WDR25: variants seen among roughly 807,000 people sequenced by gnomAD.
WDR25 encodes WD repeat domain 25.
A neutral mutation model predicts 47.7 loss-of-function variants in WDR25; 35 were observed. The ratio of observed to expected loss-of-function variants is 0.73; its 90% CI spans 0.56 to 0.97. WDR25 has a LOEUF of 0.97. Among genes scored for constraint, WDR25 ranks in the 50% least tolerant of loss-of-function variants. The pLI is 0.00. For missense variants in WDR25, 634 were observed against 704.7 expected, an observed-to-expected ratio of 0.90 and a Z score of 1.14; for synonymous variants, 248 against 278.9, an observed-to-expected ratio of 0.89 and a Z score of 1.10.
chr14:100,430,151 GGTGTGT>G lies in WDR25; in HGVS notation c.823-37841_823-37836del, dbSNP rs59318813. 1.4e-5 allele frequency among the ~76,000 whole-genome samples: 2 copies of G among 146,882 alleles called. No individual in the cohort carries two copies. The highest frequency in any genetic ancestry group is 2.5e-5 in the African/African-American group (1 of 39,900). On this transcript the variant is annotated intron_variant, in intron 2 of 6. Coordinates refer to ENST00000402312, the MANE Select transcript of WDR25 (RefSeq NM_001161476.3). This position sits in a 1 kb window ranked among gnomAD's most constrained non-coding sequence, Gnocchi z 4.7. ...CAAATCTTGCAGACCAAGGGGGCCT[GGTGTGT>G]GTGTGTGTGTGTGTGTGTGTGTGTG...
At chr14:100,448,587 C>T (rs2140260006) in intron 2 of WDR25, among the ~76,000 whole-genome samples, 1 of 152,270 alleles carries the variant, frequency 6.6e-6, no homozygotes, top group Non-Finnish European at 1.5e-5. Context: ...TACACTATCT[C>T]AGAGGAGTGA....
intron 2 of WDR25, among the ~76,000 whole-genome samples, chr14:100,398,937 G>A (rs1642818146): frequency 6.6e-6 from 1 of 150,784 alleles, no homozygotes; most frequent in Non-Finnish European, 1.5e-5. Flanking sequence ...TGGTTTTCAA[G>A]ACTTGCTTCC....
intron 2 of WDR25, among the ~76,000 whole-genome samples, chr14:100,401,343 A>T (rs2140171683): frequency 6.6e-6 from 1 of 152,242 alleles, no homozygotes; most frequent in South Asian, 2.1e-4. Flanking sequence ...TTCCTTGCTT[A>T]TCACCTTCTC....
At position 100,392,608 on chromosome 14, in the gene WDR25, G is replaced by A. The variant is rs189822824; in HGVS notation, c.822+10862G>A. ...ACGGGCTGTGTTTGTCAGAGTGTGC[G>A]TGCAGCTCTGCAGCCTGTCTTTCCA... On this transcript the variant is annotated intron_variant, in intron 2 of 6. Transcript: ENST00000402312. This position sits in a 1 kb window ranked among gnomAD's most constrained non-coding sequence, Gnocchi z 4.2. Among the ~76,000 whole-genome samples, 3 of 152,012 alleles carry A rather than the reference G, an allele frequency of 2.0e-5. No homozygotes were observed. Among genetic ancestry groups the A allele is most frequent in the Non-Finnish European group, 4.4e-5 (3 of 67,982 alleles).
intron 4 of WDR25, among the ~76,000 whole-genome samples, chr14:100,494,884 G>A (rs1219835447): frequency 6.6e-6 from 1 of 152,120 alleles, no homozygotes; most frequent in Non-Finnish European, 1.5e-5. Flanking sequence ...CTCATTAAGA[G>A]CAGAATGCAC....
intron 4 of WDR25, among the ~76,000 whole-genome samples, chr14:100,486,695 C>T (rs919886211): frequency 3.3e-5 from 5 of 152,210 alleles, no homozygotes; most frequent in Non-Finnish European, 7.3e-5. Flanking sequence ...GGTGCTGAAC[C>T]TTCTGGCTCA....
chr14:100,434,752 C>T (rs1485327263), intron 2 of WDR25, among the ~76,000 whole-genome samples: 1 of 152,224 alleles, frequency 6.6e-6, no homozygotes, highest in Non-Finnish European at 1.5e-5. Flanking sequence ...TTCCTCTCTA[C>T]CCAGCTCCCA....
intron 3 of WDR25, among the ~76,000 whole-genome samples, chr14:100,479,760 A>T (rs1900137748): frequency 6.6e-6 from 1 of 152,074 alleles, no homozygotes; most frequent in Admixed American, 6.5e-5. Flanking sequence ...GCCTGTTAGG[A>T]ACCAGACCAC....
rs150351734 is a variant in WDR25 at position 100,379,570 on chromosome 14, T to C, written c.-15-1340T>C. 3.2e-4 allele frequency among the ~76,000 whole-genome samples: 49 copies of C among 151,950 alleles called. 1 individual carries two copies. In the East Asian group the frequency reaches 7.7e-3, roughly 24 times the overall value. On this transcript the variant is annotated intron_variant, in intron 1 of 6. Transcript: ENST00000402312. ...GTCCGGCTAATTTTTGTATTTTTAGTAGAGACGGGGCTTTGCCATATTGGT... is the reference window on the plus strand; with the variant it reads ...GTCCGGCTAATTTTTGTATTTTTAGCAGAGACGGGGCTTTGCCATATTGGT...
intron 2 of WDR25, among the ~76,000 whole-genome samples, chr14:100,410,781 A>AT (rs560217272): frequency 0.014 from 1,973 of 139,164 alleles, 19 homozygotes; most frequent in African/African-American, 0.021. Flanking sequence ...GTTTAAGCAG[A>AT]TTTTTTTTTT....
chr14:100,387,881 A>G (rs1198629036), intron 2 of WDR25, among the ~76,000 whole-genome samples: 1 of 152,214 alleles, frequency 6.6e-6, no homozygotes, highest in East Asian at 1.9e-4. Context: ...CAGAGAAGAG[A>G]TGATTTCTGG....
At position 100,430,309 on chromosome 14, in the gene WDR25, TCTC is replaced by T. The variant is rs1297964074; in HGVS notation, c.823-37708_823-37706del. ...CACCTCCGGACCTCCTGCTTCCTGA[TCTC>T]CTCAGCCCTTTGGGGAAATGGAGGA... On this transcript the variant is annotated intron_variant, in intron 2 of 6. Transcript: ENST00000402312. This position sits in a 1 kb window ranked among gnomAD's most constrained non-coding sequence, Gnocchi z 4.7. Among the ~76,000 whole-genome samples the T allele has an allele frequency of 3.9e-5, 6 of 152,058 alleles. No homozygotes were observed. The highest frequency in any genetic ancestry group is 1.4e-4 in the African/African-American group (6 of 41,398).
Position 100,529,643 on chromosome 14 carries a change from G to T in WDR25, c.1414-177G>T. ...TGAACTGGCCTTGGGATGTGGGCCC[G>T]CATCAGGGCTCTACAGCCTCATGGG... On this transcript the variant is annotated intron_variant, in intron 6 of 6. Coordinates refer to ENST00000402312, the MANE Select transcript of WDR25 (RefSeq NM_001161476.3). This position sits in a 1 kb window ranked among gnomAD's most constrained non-coding sequence, Gnocchi z 5.1. 1 of 694,038 alleles carries T rather than the reference G, an allele frequency of 1.4e-6. No homozygotes were observed. The highest frequency in any genetic ancestry group is 1.9e-5 in the South Asian group (1 of 52,300). The allele number at this position is 694,038 out of a possible 1,614,324, so 43.0% of individuals were successfully genotyped here.
chr14:100,497,749 A>C (rs1322151748), intron 4 of WDR25, among the ~76,000 whole-genome samples: 1 of 151,986 alleles, frequency 6.6e-6, no homozygotes, highest in Non-Finnish European at 1.5e-5. Flanking sequence ...GCTAAATGTC[A>C]CCTGTCCTCC....
At chr14:100,487,680 G>C in intron 4 of WDR25, 1 of 152,208 alleles carries the variant, frequency 6.6e-6, no homozygotes, top group South Asian at 2.1e-4. Context: ...TTCCAAGTGG[G>C]AACTGTTCCT....
intron 4 of WDR25, among the ~76,000 whole-genome samples, chr14:100,517,319 C>T (rs372019179): frequency 6.6e-6 from 1 of 151,758 alleles, no homozygotes; most frequent in Non-Finnish European, 1.5e-5. Context: ...CCTCATGATC[C>T]ACCCGCCTCG....
intron 4 of WDR25, chr14:100,503,844 C>T (rs1227192935): frequency 6.6e-6 from 1 of 152,186 alleles, no homozygotes; most frequent in African/African-American, 2.4e-5. Flanking sequence ...TCAGTTGGTC[C>T]CACCTCTGCT....
rs564445006 is a variant in WDR25, at chr14:100,397,961, C to T, written c.822+16215C>T. ...TCAAGCAATTCTCCTGCCTCAGCCT[C>T]CTGAGTAGCTGGGATTACAGGTGTG... On this transcript the variant is annotated intron_variant, in intron 2 of 6. Coordinates refer to ENST00000402312, the MANE Select transcript of WDR25 (RefSeq NM_001161476.3). Among the ~76,000 whole-genome samples the T allele has an allele frequency of 5.1e-4, 78 of 152,322 alleles. 1 individual carries two copies. The highest frequency in any genetic ancestry group is 1.9e-3 in the African/African-American group (78 of 41,584).
At chr14:100,406,207 C>A (rs528286006) in intron 2 of WDR25, among the ~76,000 whole-genome samples, 1 of 152,254 alleles carries the variant, frequency 6.6e-6, no homozygotes, top group South Asian at 2.1e-4. Context: ...AGCACTGGGA[C>A]CTGGAGCAGT....
Sources: gnomAD v4.1 joint callset for allele counts (sites outside exome capture counted in the v4.1 genomes callset) on GRCh38, gnomAD v4.1.1 for gene constraint, Gnocchi (gnomAD v3.1) non-coding constraint, MANE v1.5 for transcripts, NCBI Gene and HGNC (gene_info 2026-07-23, HGNC 2026-07-21) for gene names.